The following PRKDC variants were observed in gnomAD, a reference collection of about 807,000 sequenced individuals.
PRKDC encodes DNA-dependent protein kinase catalytic subunit.
PRKDC carries 82 observed loss-of-function variants against 486.9 expected under a neutral mutation model. The ratio of observed to expected loss-of-function variants is 0.17; its 90% CI spans 0.14 to 0.20. The LOEUF is 0.20. PRKDC is among the 10% of genes least tolerant of loss of function. The pLI is 1.00. For synonymous variants in PRKDC, 1,895 were observed against 1,837.0 expected, an observed-to-expected ratio of 1.03 and a Z score of -0.81; for missense variants, 4,504 against 5,038.2, an observed-to-expected ratio of 0.89 and a Z score of 3.21.
At chr8:47,935,254 C>A (rs1032635452) in intron 13 of PRKDC, among the ~76,000 whole-genome samples, 196 bp from the exon 14 acceptor site, 3 of 152,164 alleles carry the variant, frequency 2.0e-5, no homozygotes, top group African/African-American at 4.8e-5. Flanking sequence ...GTAATCCCAG[C>A]ACTTTGGGAG....
Sources: gnomAD v4.1 joint callset for allele counts (sites outside exome capture counted in the v4.1 genomes callset) on GRCh38, gnomAD v4.1.1 for gene constraint, MANE v1.5 for transcripts, NCBI Gene and HGNC (gene_info 2026-07-23, HGNC 2026-07-21) for gene names.